ARMC3: variants seen among roughly 807,000 people sequenced by gnomAD.
The protein encoded by ARMC3 is armadillo repeat-containing protein 3.
Under a neutral mutation model 90.3 loss-of-function variants are expected in ARMC3, and 74 were observed. The observed-to-expected ratio is 0.82, with a 90% confidence interval of 0.68 to 0.99. The LOEUF (loss-of-function observed/expected upper bound fraction) is 0.99, where lower values mean the gene tolerates loss of function less well. Ranked by LOEUF, ARMC3 falls within the 50% of genes least tolerant of loss-of-function variation. ARMC3 has a pLI of 0.00. For synonymous variants in ARMC3, 334 were observed against 361.8 expected (o/e 0.92, Z 0.87); for missense variants, 958 against 1,042.8 (o/e 0.92, Z 1.12).
At chr10:23,007,498 A>G in intron 14 of ARMC3, among the ~76,000 whole-genome samples, 1 of 152,130 alleles carries the variant, frequency 6.6e-6, no homozygotes, top group East Asian at 1.9e-4. Context: ...CGAGGTCAAG[A>G]GATCGAGGCC....
intron 17 of ARMC3, among the ~76,000 whole-genome samples, chr10:23,032,079 C>G (rs1369162604): frequency 1.3e-5 from 2 of 152,116 alleles, no homozygotes; most frequent in Non-Finnish European, 2.9e-5. Flanking sequence ...TAGTGAGACT[C>G]TCATCTCTCT....
Position 22,946,211 on chromosome 10 carries a change from A to G in ARMC3, c.116A>G (p.Glu39Gly), listed in dbSNP as rs1406994263. Residue 39 changes from glutamate (E) to glycine (G), a missense_variant, in exon 3 of 19, where the codon GAG (glutamate) becomes GGG (glycine). By Grantham distance (98) the Glu-to-Gly change is moderately conservative. Coordinates refer to ENST00000298032, the MANE Select transcript of ARMC3 (RefSeq NM_173081.5). Reference protein sequence around the residue: ...TVVLMLNSPEEEILAKACEAI... With the variant: ...TVVLMLNSPEGEILAKACEAI... ...GTGTTAATGCTTAATTCTCCAGAAG[A>G]GGAAATTTTGGCTAAAGCATGTGAA... 2 of 1,613,034 alleles carry G rather than the reference A, an allele frequency of 1.2e-6. No homozygotes were observed. Among genetic ancestry groups the G allele is most frequent in the African/African-American group, 1.3e-5 (1 of 74,926 alleles).
intron 10 of ARMC3, among the ~76,000 whole-genome samples, chr10:22,985,727 A>G (rs532757695): frequency 6.6e-6 from 1 of 152,366 alleles, no homozygotes; most frequent in Non-Finnish European, 1.5e-5. Flanking sequence ...AAAAATTATT[A>G]ACAAACATGA....
chr10:23,008,240 T>A (rs1837724146), intron 14 of ARMC3, 36 bp from the exon 15 acceptor site: 1 of 1,067,440 alleles, frequency 9.4e-7, no homozygotes, highest in African/African-American at 1.6e-5. Context: ...CAAATAATTT[T>A]AATCTATATA....
At chr10:22,969,298 A>C (rs539549248) in intron 8 of ARMC3, among the ~76,000 whole-genome samples, 48 of 152,338 alleles carry the variant, frequency 3.2e-4, no homozygotes, top group African/African-American at 1.2e-3. Context: ...AGATGAAATT[A>C]TAGTTTTAAT....
At chr10:22,941,432 A>G (rs929881116) in intron 2 of ARMC3, among the ~76,000 whole-genome samples, 1 of 152,154 alleles carries the variant, frequency 6.6e-6, no homozygotes, top group Non-Finnish European at 1.5e-5. Context: ...GTTGACAGGG[A>G]GGAGTTGACT....
intron 6 of ARMC3, 150 bp downstream of exon 6, chr10:22,959,724 A>G: frequency 2.7e-6 from 2 of 752,772 alleles, no homozygotes; most frequent in Non-Finnish European, 4.3e-6. Flanking sequence ...GAAAAAAATA[A>G]TGGAAGCTTA....
rs115813320 is a variant in ARMC3 at position 23,033,621 on chromosome 10, T to C, written c.2409+598T>C. Among the ~76,000 whole-genome samples the C allele has an allele frequency of 2.2e-3, 339 of 152,302 alleles. 3 individuals carry two copies. Among genetic ancestry groups the C allele is most frequent in the African/African-American group, 7.7e-3 (322 of 41,554 alleles). On this transcript the variant is annotated intron_variant, in intron 18 of 18. Coordinates refer to ENST00000298032, the MANE Select transcript of ARMC3 (RefSeq NM_173081.5). Reference sequence around the variant, plus strand: ...CTAGATCATAACGCATCATGTAAGTTTGGGCATTATTTTATTACCCTAAAA... The same window carrying C: ...CTAGATCATAACGCATCATGTAAGTCTGGGCATTATTTTATTACCCTAAAA...
intron 17 of ARMC3, among the ~76,000 whole-genome samples, chr10:23,032,238 C>A (rs1838947602): frequency 6.6e-6 from 1 of 152,116 alleles, no homozygotes; most frequent in East Asian, 1.9e-4. Flanking sequence ...CAAAGTATAC[C>A]ACATTTATCC....
intron 4 of ARMC3, among the ~76,000 whole-genome samples, chr10:22,958,448 C>T (rs10828382): frequency 0.43 from 65,604 of 151,896 alleles, 16,213 homozygotes; most frequent in African/African-American, 0.68. Flanking sequence ...TACTATTACA[C>T]AATAAATAAA....
At chr10:22,963,056 A>G (rs563212767) in intron 7 of ARMC3, among the ~76,000 whole-genome samples, 123 of 152,328 alleles carry the variant, frequency 8.1e-4, no homozygotes, top group South Asian at 1.9e-3. Context: ...ACACAGGTAG[A>G]AAGTGACTAA....
chr10:23,018,242 A>G (rs1838360250), intron 16 of ARMC3, among the ~76,000 whole-genome samples: 1 of 152,204 alleles, frequency 6.6e-6, no homozygotes, highest in African/African-American at 2.4e-5. Flanking sequence ...CAAAAGAGCT[A>G]AAGTCCTTGG....
chr10:23,014,418 T>C, intron 16 of ARMC3: 1 of 1,152,548 alleles, frequency 8.7e-7, no homozygotes, highest in Non-Finnish European at 1.1e-6. Flanking sequence ...TCAACCCTTC[T>C]TGTCTTATGA....
chr10:23,003,518 A>G, intron 13 of ARMC3, 104 bp downstream of exon 13: 1 of 994,720 alleles, frequency 1.0e-6, no homozygotes, highest in South Asian at 2.7e-5. Context: ...TGTAATTTAT[A>G]TTTTTACAGG....
chr10:22,929,345 A>AAAG (rs1564332189), intron 1 of ARMC3, among the ~76,000 whole-genome samples: 15 of 147,384 alleles, frequency 1.0e-4, no homozygotes, highest in Non-Finnish European at 1.4e-4. Flanking sequence ...GGAAAGGAAA[A>AAAG]GAAAAGAAAT....
At chr10:22,986,103 A>C (rs1588881275) in intron 10 of ARMC3, among the ~76,000 whole-genome samples, 12 of 126,118 alleles carry the variant, frequency 9.5e-5, no homozygotes, top group East Asian at 3.2e-4. Flanking sequence ...ACACCCCTGC[A>C]CTGCACGCCC....
intron 2 of ARMC3, among the ~76,000 whole-genome samples, chr10:22,935,670 T>C (rs1289274885): frequency 6.6e-6 from 1 of 152,196 alleles, no homozygotes; most frequent in Non-Finnish European, 1.5e-5. Flanking sequence ...AGCTAAACAC[T>C]ATGAATTAAT....
At chr10:22,938,313 T>C (rs1453150918) in intron 2 of ARMC3, among the ~76,000 whole-genome samples, 1 of 152,030 alleles carries the variant, frequency 6.6e-6, no homozygotes, top group East Asian at 1.9e-4. Context: ...GTCACAAAGA[T>C]GGAGAGATGG....
At chr10:22,928,915 A>T (rs1833817212) in intron 1 of ARMC3, among the ~76,000 whole-genome samples, 2 of 152,196 alleles carry the variant, frequency 1.3e-5, no homozygotes, top group Admixed American at 1.3e-4. Flanking sequence ...TTGAGGCAGG[A>T]TGTTAAAATC....
Sources: allele counts gnomAD v4.1 joint callset (sites outside exome capture counted in the v4.1 genomes callset), GRCh38; gene constraint gnomAD v4.1.1; transcripts MANE v1.5; gene names NCBI Gene and HGNC (gene_info 2026-07-23, HGNC 2026-07-21).